Variants in SLC17A1 observed in about 807,000 individuals in gnomAD.
SLC17A1 encodes the protein sodium-dependent phosphate transport protein 1.
Under a neutral mutation model 53.5 loss-of-function variants are expected in SLC17A1, and 51 were observed. The ratio of observed to expected loss-of-function variants is 0.95; its 90% CI spans 0.76 to 1.20. SLC17A1 has a LOEUF of 1.20. SLC17A1 is among the 50% of genes most tolerant of loss of function. The pLI is 0.00. For missense variants in SLC17A1, 538 were observed against 568.2 expected, an observed-to-expected ratio of 0.95 and a Z score of 0.54; for synonymous variants, 179 against 198.8, an observed-to-expected ratio of 0.90 and a Z score of 0.84.
At chr6:25,788,596 T>C in intron 12 of SLC17A1, among the ~76,000 whole-genome samples, 1 of 152,122 alleles carries the variant, frequency 6.6e-6, no homozygotes. Context: ...CCTCGCCCAC[T>C]GAAGTGGGTT....
the SLC17A1 span, chr6:25,768,937 G>C: frequency 6.5e-7 from 1 of 1,536,998 alleles, no homozygotes; most frequent in Non-Finnish European, 9.0e-7. Context: ...TAGGGAGAGT[G>C]GGAGAAAAGC....
chr6:25,817,783 A>G (rs193258793), intron 6 of SLC17A1, among the ~76,000 whole-genome samples: 201 of 152,294 alleles, frequency 1.3e-3, no homozygotes, highest in African/African-American at 4.6e-3. Context: ...ACAGGTCTGC[A>G]TTTTATTTAT....
intron 10 of SLC17A1, among the ~76,000 whole-genome samples, chr6:25,809,088 T>A (rs902495803): frequency 6.6e-6 from 1 of 152,000 alleles, no homozygotes; most frequent in African/African-American, 2.4e-5. Context: ...TGAAATCATG[T>A]CTTTTTCAGC....
chr6:25,770,443 G>A, the SLC17A1 span: 3 of 1,614,034 alleles, frequency 1.9e-6, no homozygotes, highest in Non-Finnish European at 2.5e-6. Context: ...CACTGGAAAG[G>A]AGTCAACTCA....
the SLC17A1 span, among the ~76,000 whole-genome samples, chr6:25,747,577 C>G: frequency 1.1e-4 from 16 of 152,298 alleles, no homozygotes; most frequent in East Asian, 3.1e-3. Context: ...TTGAGTCTCC[C>G]TCAGATTCAT....
intron 12 of SLC17A1, among the ~76,000 whole-genome samples, chr6:25,798,384 C>T (rs2151479312): frequency 6.6e-6 from 1 of 152,274 alleles, no homozygotes; most frequent in East Asian, 1.9e-4. Flanking sequence ...CTTGCCTAAA[C>T]CATTGTAAAT....
intron 6 of SLC17A1, 142 bp downstream of exon 6, chr6:25,818,926 G>A: frequency 1.7e-6 from 1 of 589,824 alleles, no homozygotes; most frequent in Non-Finnish European, 3.0e-6. Flanking sequence ...AACTTAATGA[G>A]TATTGACTTC....
chr6:25,775,549 C>T, the SLC17A1 span, among the ~76,000 whole-genome samples: 138 of 152,172 alleles, frequency 9.1e-4, no homozygotes, highest in Middle Eastern at 3.4e-3. Flanking sequence ...AATCCTCCTA[C>T]CTCAGCCTCC....
the SLC17A1 span, chr6:25,776,552 G>C: frequency 6.4e-7 from 1 of 1,552,386 alleles, no homozygotes; most frequent in Non-Finnish European, 8.7e-7. Flanking sequence ...TCGTGGTGGG[G>C]GTGGTAAGGG....
the SLC17A1 span, among the ~76,000 whole-genome samples, chr6:25,724,830 A>G: frequency 1.3e-5 from 2 of 152,190 alleles, no homozygotes; most frequent in African/African-American, 4.8e-5. Flanking sequence ...CTGTTTTCAA[A>G]TATCTTCAAT....
the SLC17A1 span, chr6:25,770,428 T>C: frequency 3.1e-6 from 5 of 1,613,874 alleles, no homozygotes; most frequent in African/African-American, 6.7e-5. Flanking sequence ...TCAAATGGGC[T>C]CCCCCACTGG....
chr6:25,828,761 T>G (rs1285734870), intron 2 of SLC17A1, among the ~76,000 whole-genome samples: 3 of 152,118 alleles, frequency 2.0e-5, no homozygotes, highest in African/African-American at 7.2e-5. Flanking sequence ...TATAGAATCG[T>G]TTGAACTAGC....
At chr6:25,771,101 G>A in the SLC17A1 span, 1 of 1,057,022 alleles carries the variant, frequency 9.5e-7, no homozygotes, top group Non-Finnish European at 1.5e-6. Flanking sequence ...AATAGATATG[G>A]ATATTTACAT....
the SLC17A1 span, chr6:25,727,091 G>T: frequency 6.2e-7 from 1 of 1,614,122 alleles, no homozygotes; most frequent in Non-Finnish European, 8.5e-7. Context: ...CGAAAGCTAT[G>T]AGCATTATGA....
the SLC17A1 span, among the ~76,000 whole-genome samples, chr6:25,733,798 G>GTGTGTA: frequency 1.9e-5 from 2 of 103,420 alleles, no homozygotes; most frequent in East Asian, 2.2e-4. Context: ...GTGTGTGTGT[G>GTGTGTA]TGTGTGTATG....
At chr6:25,768,413 T>C in the SLC17A1 span, 27 of 988,532 alleles carry the variant, frequency 2.7e-5, no homozygotes, top group African/African-American at 2.6e-4. Flanking sequence ...CCAGAGCTCC[T>C]ATGGAACACT....
chr6:25,797,058 G>T (rs191944250), intron 12 of SLC17A1, among the ~76,000 whole-genome samples: 1 of 152,284 alleles, frequency 6.6e-6, no homozygotes, highest in Non-Finnish European at 1.5e-5. Context: ...TTCTGTCATT[G>T]TGCCTTATCT....
the SLC17A1 span, among the ~76,000 whole-genome samples, chr6:25,749,488 A>C: frequency 2.8e-5 from 4 of 141,458 alleles, no homozygotes; most frequent in Non-Finnish European, 3.3e-5. Flanking sequence ...AAGGAGACAA[A>C]ACCTAAAAAA....
At chr6:25,726,134 A>G in the SLC17A1 span, 1 of 1,525,066 alleles carries the variant, frequency 6.6e-7, no homozygotes, top group Non-Finnish European at 8.8e-7. Context: ...ACCTTAAGTT[A>G]CTTGCTTTGG....
Sources: allele counts gnomAD v4.1 joint callset (sites outside exome capture counted in the v4.1 genomes callset), GRCh38; gene constraint gnomAD v4.1.1; transcripts MANE v1.5; gene names NCBI Gene and HGNC (gene_info 2026-07-23, HGNC 2026-07-21).